ECT2L: variants seen among roughly 807,000 people sequenced by gnomAD.
ECT2L encodes the protein epithelial cell transforming 2 like.
In ECT2L, 126 loss-of-function variants were observed where a neutral mutation model predicts 122.8. The ratio of observed to expected loss-of-function variants is 1.03; its 90% CI spans 0.89 to 1.19. The LOEUF is 1.19. Ranked by LOEUF, ECT2L falls within the 50% of genes most tolerant of loss-of-function variation. ECT2L has a pLI of 0.00. For missense variants in ECT2L, 1,012 were observed against 1,064.1 expected (o/e 0.95, Z 0.68); for synonymous variants, 385 against 381.8 (o/e 1.01, Z -0.10).
intron 14 of ECT2L, among the ~76,000 whole-genome samples, chr6:138,877,055 A>G (rs1320690655): frequency 6.6e-6 from 1 of 152,216 alleles, no homozygotes; most frequent in Non-Finnish European, 1.5e-5. Context: ...TTTCTTCAAC[A>G]CACAAACACA....
intron 14 of ECT2L, among the ~76,000 whole-genome samples, chr6:138,877,277 G>A (rs971641894): frequency 2.6e-5 from 4 of 152,190 alleles, no homozygotes; most frequent in African/African-American, 9.7e-5. Flanking sequence ...CCTGGCTGCA[G>A]ACAGTGCAGG....
chr6:138,823,150 T>C, intron 4 of ECT2L: 1 of 1,438,930 alleles, frequency 6.9e-7, no homozygotes, highest in Non-Finnish European at 9.4e-7. Context: ...TGCATCAGCA[T>C]AGACAGATAT....
intron 2 of ECT2L, 93 bp from the exon 3 acceptor site, chr6:138,813,079 C>T (rs1775954564): frequency 4.1e-6 from 2 of 489,884 alleles, no homozygotes; most frequent in Non-Finnish European, 7.1e-6. Flanking sequence ...TACACACGTA[C>T]ACACATGAAT....
At chr6:138,835,368 G>A (rs1776795900) in intron 4 of ECT2L, among the ~76,000 whole-genome samples, 3 of 151,968 alleles carry the variant, frequency 2.0e-5, no homozygotes, top group Admixed American at 6.6e-5. Context: ...GGGCAACATA[G>A]TGAAACCACA....
At chr6:138,821,318 G>T (rs1776260746) in intron 4 of ECT2L, among the ~76,000 whole-genome samples, 1 of 152,214 alleles carries the variant, frequency 6.6e-6, no homozygotes, top group Non-Finnish European at 1.5e-5. Flanking sequence ...CCAGATATGG[G>T]TCTTCCTGCA....
intron 12 of ECT2L, among the ~76,000 whole-genome samples, chr6:138,867,205 C>T (rs901696459): frequency 1.3e-5 from 2 of 152,232 alleles, no homozygotes; most frequent in African/African-American, 2.4e-5. Context: ...TTTTCACATG[C>T]TCTCTCCTTA....
chr6:138,834,131 A>C lies in ECT2L; in HGVS notation c.180-4221A>C, dbSNP rs558141533. 3.9e-5 allele frequency among the ~76,000 whole-genome samples: 6 copies of C among 152,348 alleles called. 1 individual carries two copies. Among genetic ancestry groups the C allele is most frequent in the African/African-American group, 1.4e-4 (6 of 41,590 alleles). On this transcript the variant is annotated intron_variant, in intron 4 of 21. Coordinates refer to ENST00000541398, the MANE Select transcript of ECT2L (RefSeq NM_001077706.3). ...TTTGCAAAGTACACATTGTACATTCAGTGGCACACTGCAAAGCATTATCAT... is the reference window on the plus strand; with the variant it reads ...TTTGCAAAGTACACATTGTACATTCCGTGGCACACTGCAAAGCATTATCAT...
intron 9 of ECT2L, among the ~76,000 whole-genome samples, chr6:138,851,168 T>C (rs1210102766): frequency 6.6e-6 from 1 of 152,102 alleles, no homozygotes; most frequent in Non-Finnish European, 1.5e-5. Flanking sequence ...TTTCTGTGTG[T>C]ATCTGTGCTT....
chr6:138,884,851 T>A (rs1778759688), intron 16 of ECT2L, among the ~76,000 whole-genome samples: 1 of 152,018 alleles, frequency 6.6e-6, no homozygotes, highest in African/African-American at 2.4e-5. Flanking sequence ...GATATCCATG[T>A]TACAGATGAG....
At chr6:138,868,866 C>T (rs1305376346) in intron 13 of ECT2L, among the ~76,000 whole-genome samples, 1 of 152,096 alleles carries the variant, frequency 6.6e-6, no homozygotes, top group Non-Finnish European at 1.5e-5. Flanking sequence ...GACAGCATGG[C>T]TATAGGAAAA....
Position 138,844,408 on chromosome 6 carries a change from T to G in ECT2L, c.596-4T>G. The G allele has an allele frequency of 6.2e-7, 1 of 1,612,946 alleles. No individual in the cohort carries two copies. Among genetic ancestry groups the G allele is most frequent in the Non-Finnish European group, 8.5e-7 (1 of 1,179,130 alleles). On this transcript the variant is annotated splice_region_variant and splice_polypyrimidine_tract_variant and intron_variant, in intron 6 of 21. Transcript: ENST00000541398. ...AGCCCCGCCTGCTGTTCTTTGTTTTTCAGAGGAGTTATTCAAAGTTCGACC... is the reference window on the plus strand; with the variant it reads ...AGCCCCGCCTGCTGTTCTTTGTTTTGCAGAGGAGTTATTCAAAGTTCGACC...
At chr6:138,886,174 A>G (rs1778814161) in intron 18 of ECT2L, among the ~76,000 whole-genome samples, 1 of 152,022 alleles carries the variant, frequency 6.6e-6, no homozygotes, top group Non-Finnish European at 1.5e-5. Flanking sequence ...CAATGCATTA[A>G]TTAGCTTTCC....
chr6:138,848,928 T>C (rs1777327367), intron 8 of ECT2L, among the ~76,000 whole-genome samples: 1 of 152,228 alleles, frequency 6.6e-6, no homozygotes, highest in African/African-American at 2.4e-5. Flanking sequence ...GTGCTGGGAT[T>C]ACAAGTGTAA....
Position 138,844,396 on chromosome 6 carries a change from GTTCT to G in ECT2L, c.596-13_596-10del, listed in dbSNP as rs971805215. The G allele has an allele frequency of 1.2e-6, 2 of 1,611,476 alleles. No individual in the cohort carries two copies. Among genetic ancestry groups the G allele is most frequent in the African/African-American group, 2.7e-5 (2 of 74,884 alleles). ...TATGAAGTAATCAGCCCCGCCTGCT[GTTCT>G]TTGTTTTTCAGAGGAGTTATTCAAA... On this transcript the variant is annotated splice_polypyrimidine_tract_variant and intron_variant, in intron 6 of 21. Transcript: ENST00000541398.
Position 138,865,017 on chromosome 6 carries a change from C to T in ECT2L, c.1313C>T (p.Ser438Phe), listed in dbSNP as rs542482066. The T allele has an allele frequency of 1.6e-5, 26 of 1,613,178 alleles. No individual in the cohort carries two copies. The South Asian group carries it at 2.5e-4, about 16-fold the overall frequency. ...TCAGTTCTTAGTGATTGGCTGGGAT[C>T]CCAATGGGGAAAGGCCCCCTCTTCC... ...YQHILSDWLG[S>F]QWGKAPSSIY... is the part of the protein sequence containing the mutation. Residue 438 changes from serine (S) to phenylalanine (F), a missense_variant, in exon 12 of 22, where the codon TCC becomes TTC. Coordinates refer to ENST00000541398, the MANE Select transcript of ECT2L (RefSeq NM_001077706.3).
At chr6:138,835,259 A>G (rs960688217) in intron 4 of ECT2L, among the ~76,000 whole-genome samples, 1 of 152,136 alleles carries the variant, frequency 6.6e-6, no homozygotes, top group Non-Finnish European at 1.5e-5. Flanking sequence ...TAACATTTTA[A>G]TAGTTATGGC....
At chr6:138,902,270 G>A (rs567410603) in intron 21 of ECT2L, among the ~76,000 whole-genome samples, 7 of 152,220 alleles carry the variant, frequency 4.6e-5, no homozygotes, top group South Asian at 4.1e-4. Context: ...TCATCTATCC[G>A]TTAGTCTTTA....
At chr6:138,879,643 T>C (rs916687201) in intron 14 of ECT2L, among the ~76,000 whole-genome samples, 5 of 152,140 alleles carry the variant, frequency 3.3e-5, no homozygotes, top group South Asian at 2.1e-4. Flanking sequence ...GTGTATGATT[T>C]TCACCTCTGC....
chr6:138,849,813 C>T (rs528964665), intron 9 of ECT2L, among the ~76,000 whole-genome samples: 1 of 152,130 alleles, frequency 6.6e-6, no homozygotes, highest in African/African-American at 2.4e-5. Context: ...CTTAGCCTCT[C>T]AAAGGGCTGG....
Sources: gnomAD v4.1 joint callset for allele counts (sites outside exome capture counted in the v4.1 genomes callset) on GRCh38, gnomAD v4.1.1 for gene constraint, MANE v1.5 for transcripts, NCBI Gene and HGNC (gene_info 2026-07-23, HGNC 2026-07-21) for gene names.